Variants in DPY19L1 observed in about 807,000 individuals in gnomAD.
The protein encoded by DPY19L1 is dpy-19 like C-mannosyltransferase 1.
DPY19L1 carries 35 observed loss-of-function variants against 96.9 expected under a neutral mutation model. The observed-to-expected ratio is 0.36, with a 90% confidence interval of 0.28 to 0.48. The LOEUF (loss-of-function observed/expected upper bound fraction) is 0.48, where lower values mean the gene tolerates loss of function less well. Ranked by LOEUF, DPY19L1 falls within the 20% of genes least tolerant of loss-of-function variation. The pLI is 0.99. For synonymous variants in DPY19L1, 205 were observed against 252.6 expected (o/e 0.81, Z 1.79); for missense variants, 521 against 777.9 (o/e 0.67, Z 3.93).
At chr7:35,017,583 A>G (rs1212813249) in intron 3 of DPY19L1, among the ~76,000 whole-genome samples, 1 of 150,898 alleles carries the variant, frequency 6.6e-6, no homozygotes, top group East Asian at 1.9e-4. Flanking sequence ...GAGGCAGGAG[A>G]ATGGCGTGAA....
At chr7:34,996,483 A>G (rs1397146323) in intron 6 of DPY19L1, among the ~76,000 whole-genome samples, 1 of 152,084 alleles carries the variant, frequency 6.6e-6, no homozygotes, top group African/African-American at 2.4e-5. Flanking sequence ...CTCTCCTCTG[A>G]ACAAATGCTT....
chr7:35,004,892 G>A (rs1451976005), intron 6 of DPY19L1, among the ~76,000 whole-genome samples: 1 of 152,126 alleles, frequency 6.6e-6, no homozygotes, highest in African/African-American at 2.4e-5. Flanking sequence ...CTCCGCAGGG[G>A]CATTGTTCTG....
intron 6 of DPY19L1, among the ~76,000 whole-genome samples, chr7:35,007,177 G>A (rs2128677110): frequency 6.6e-6 from 1 of 152,296 alleles, no homozygotes; most frequent in African/African-American, 2.4e-5. Flanking sequence ...TAGAAAAGAA[G>A]TGATAAGAGA....
chr7:35,003,704 A>C (rs1785485462), intron 6 of DPY19L1, among the ~76,000 whole-genome samples: 1 of 152,194 alleles, frequency 6.6e-6, no homozygotes, highest in African/African-American at 2.4e-5. Context: ...TGTCCTGAGG[A>C]ATCAGGCTCC....
At chr7:34,972,227 T>C (rs183127653) in intron 8 of DPY19L1, among the ~76,000 whole-genome samples, 17 of 152,188 alleles carry the variant, frequency 1.1e-4, no homozygotes, top group Non-Finnish European at 1.6e-4. Context: ...AGGAAGAGGG[T>C]TGCACCTCCA....
chr7:35,024,621 C>G (rs140424262), intron 1 of DPY19L1, among the ~76,000 whole-genome samples: 1,984 of 152,240 alleles, frequency 0.013, 27 homozygotes, highest in Non-Finnish European at 0.02. Context: ...CACCACACAC[C>G]CTTCATTCTA....
At chr7:35,034,967 A>C (rs1473518736) in intron 1 of DPY19L1, among the ~76,000 whole-genome samples, 1 of 152,228 alleles carries the variant, frequency 6.6e-6, no homozygotes, top group Non-Finnish European at 1.5e-5. Flanking sequence ...GCAGCTTTCA[A>C]AAATGTCTAA....
Position 34,931,257 on chromosome 7 carries a change from T to C in DPY19L1, c.*316A>G, listed in dbSNP as rs927869005. 9 of 184,508 alleles carry C rather than the reference T, an allele frequency of 4.9e-5. No homozygotes were observed. The highest frequency in any genetic ancestry group is 1.9e-4 in the South Asian group (1 of 5,388). 11.4% of individuals were successfully genotyped at this position (184,508 alleles called of 1,614,324 possible). A position where few individuals can be genotyped will look rare whatever the true frequency, so the allele number is the denominator to read the frequency against. ...TTGTCAGAATTGTCCTGTATTTTCA[T>C]GTCATCCTTGTCACAACCCACTGTG... On this transcript the variant is annotated 3_prime_UTR_variant, in exon 22 of 22. Coordinates refer to ENST00000638088, the MANE Select transcript of DPY19L1 (RefSeq NM_001366673.1).
intron 6 of DPY19L1, among the ~76,000 whole-genome samples, chr7:35,008,003 A>C (rs1303518036): frequency 1.3e-5 from 2 of 152,086 alleles, no homozygotes; most frequent in African/African-American, 2.4e-5. Context: ...CACTCCCTGA[A>C]GAACATGCAT....
chr7:34,997,923 G>A (rs905230338), intron 6 of DPY19L1, among the ~76,000 whole-genome samples: 7 of 152,172 alleles, frequency 4.6e-5, no homozygotes, highest in African/African-American at 1.4e-4. Flanking sequence ...CACGGGAAGA[G>A]AAGGTAGGAA....
chr7:34,984,166 G>T (rs1460948324), intron 7 of DPY19L1, among the ~76,000 whole-genome samples: 3 of 152,154 alleles, frequency 2.0e-5, no homozygotes, highest in South Asian at 2.1e-4. Flanking sequence ...CTTATTGGCA[G>T]ATCTTTATCA....
At chr7:34,969,112 AT>A (rs1280374155) in intron 9 of DPY19L1, among the ~76,000 whole-genome samples, 2 of 152,206 alleles carry the variant, frequency 1.3e-5, no homozygotes, top group African/African-American at 4.8e-5. Flanking sequence ...ACTTGAAGTT[AT>A]AGCACTAGTC....
intron 6 of DPY19L1, among the ~76,000 whole-genome samples, chr7:35,008,356 C>A (rs955706123): frequency 2.6e-5 from 4 of 152,184 alleles, no homozygotes; most frequent in African/African-American, 9.7e-5. Context: ...AAACTGTCTA[C>A]CAGGCACCAC....
At chr7:34,946,676 G>C (rs529550239) in intron 15 of DPY19L1, among the ~76,000 whole-genome samples, 1 of 152,302 alleles carries the variant, frequency 6.6e-6, no homozygotes, top group African/African-American at 2.4e-5. Context: ...AGTGCTGTCG[G>C]AGTACACAGC....
intron 7 of DPY19L1, among the ~76,000 whole-genome samples, chr7:34,986,638 A>T (rs1287040978): frequency 6.6e-6 from 1 of 152,022 alleles, no homozygotes; most frequent in Non-Finnish European, 1.5e-5. Flanking sequence ...TAAATGGCAT[A>T]ACTATTTCAA....
Position 34,999,587 on chromosome 7 carries a change from A to T in DPY19L1, c.765-9646T>A, listed in dbSNP as rs982134542. 1.6e-4 allele frequency among the ~76,000 whole-genome samples: 25 copies of T among 152,290 alleles called. No homozygotes were observed. The Middle Eastern group carries it at 0.01, about 62-fold the overall frequency. On this transcript the variant is annotated intron_variant, in intron 6 of 21. Coordinates refer to ENST00000638088, the MANE Select transcript of DPY19L1 (RefSeq NM_001366673.1). ...AAACAAAACTCCAAGGGAATCGCTA[A>T]ACGGAAGCCCAGGGAAGGACGGGTC... is the stretch of plus-strand genomic sequence containing the variant.
intron 6 of DPY19L1, among the ~76,000 whole-genome samples, chr7:35,004,698 CAT>C (rs1356054708): frequency 6.6e-5 from 10 of 152,186 alleles, no homozygotes; most frequent in African/African-American, 9.7e-5. Context: ...ATAATACACT[CAT>C]ATGATAGCAA....
At chr7:34,936,540 A>G (rs1206998575) in intron 21 of DPY19L1, among the ~76,000 whole-genome samples, 1 of 152,224 alleles carries the variant, frequency 6.6e-6, no homozygotes, top group Admixed American at 6.5e-5. Context: ...AGTTCTTCCT[A>G]TTGCAAATGT....
At chr7:34,943,431 G>C (rs893656588) in intron 16 of DPY19L1, among the ~76,000 whole-genome samples, 3 of 152,182 alleles carry the variant, frequency 2.0e-5, no homozygotes, top group Admixed American at 6.5e-5. Flanking sequence ...CACAGAGCTA[G>C]TAAGTGGCAG....
Sources: allele counts gnomAD v4.1 joint callset (sites outside exome capture counted in the v4.1 genomes callset), GRCh38; gene constraint gnomAD v4.1.1; transcripts MANE v1.5; gene names NCBI Gene and HGNC (gene_info 2026-07-23, HGNC 2026-07-21).